Variants in SPARC observed in about 807,000 individuals in gnomAD.
SPARC encodes the protein basement-membrane protein 40.
Under a neutral mutation model 37.7 loss-of-function variants are expected in SPARC, and 23 were observed. The observed-to-expected ratio is 0.61, with a 90% CI of 0.44 to 0.87. SPARC has a LOEUF of 0.87. Ranked by LOEUF, SPARC falls within the 40% of genes least tolerant of loss-of-function variation. The pLI, the probability that SPARC is intolerant of heterozygous loss-of-function variation, is 0.00. For missense variants in SPARC, 312 were observed against 389.0 expected (o/e 0.80, Z 1.66); for synonymous variants, 155 against 150.8 (o/e 1.03, Z -0.20).
intron 5 of SPARC, among the ~76,000 whole-genome samples, chr5:151,670,804 T>A (rs1284798771): frequency 6.6e-6 from 1 of 152,096 alleles, no homozygotes; most frequent in African/African-American, 2.4e-5. Context: ...GACTGGGCAC[T>A]GGGAGTGGGG....
intron 5 of SPARC, 85 bp from the exon 6 acceptor site, chr5:151,669,869 G>T (rs760089850): frequency 7.2e-6 from 11 of 1,536,190 alleles, no homozygotes; most frequent in Non-Finnish European, 8.9e-6. Flanking sequence ...CAGAGATGGG[G>T]ACACTGAGGG....
In SPARC at chr5:151,676,146, C is replaced by A. The variant is rs1186486912; in HGVS notation, c.43G>T (p.Ala15Ser). The A allele has an allele frequency of 1.2e-6, 2 of 1,611,986 alleles. No individual in the cohort carries two copies. Among genetic ancestry groups the A allele is most frequent in the East Asian group, 2.2e-5 (1 of 44,834 alleles). Residue 15 changes from alanine (A) to serine (S), a missense_variant, in exon 2 of 10, where the codon GCC (alanine) becomes TCC (serine). Ala to Ser is a moderately conservative substitution (Grantham distance 99). Transcript: ENST00000231061. ...IFFLLCLAGR[A>S]LAAPQQEALP... ...TAGGTACTTACAGGGGCTGCCAAGG[C>A]CCTCCCGGCCAGGCAAAGGAGAAAG...
chr5:151,686,854 G>C lies in SPARC; in HGVS notation c.-14+11C>G, dbSNP rs1243945088. ...TATAGAAGGGAAAGGCTGGGCGGGG[G>C]TCACACATACCTCAGTGGCAGGCAG... On this transcript the variant is annotated intron_variant, in intron 1 of 9. Coordinates refer to ENST00000231061, the MANE Select transcript of SPARC (RefSeq NM_003118.4). 1 of 152,536 alleles carries C rather than the reference G, an allele frequency of 6.6e-6. No homozygotes were observed. Among genetic ancestry groups the C allele is most frequent in the East Asian group, 1.9e-4 (1 of 5,192 alleles). The allele number at this position is 152,536 out of a possible 1,614,324, so 9.4% of individuals were successfully genotyped here.
At chr5:151,676,006 A>C in intron 2 of SPARC, 126 bp downstream of exon 2, 1 of 719,080 alleles carries the variant, frequency 1.4e-6, no homozygotes. Flanking sequence ...TTAAGAAAAA[A>C]AAAAGACCAC....
intron 4 of SPARC, 125 bp from the exon 5 acceptor site, chr5:151,671,819 C>A (rs977324452): frequency 7.9e-7 from 1 of 1,260,246 alleles, no homozygotes; most frequent in South Asian, 1.4e-5. Flanking sequence ...TTTGGACAGC[C>A]CTGAGTCCTG....
chr5:151,667,718 C>G lies in SPARC; in HGVS notation c.452-118G>C. ...GGTGGCCTTGGCACAGTGGCTCAAC[C>G]TCTCCAGGCCACAGTTTCTTCACAG... On this transcript the variant is annotated intron_variant, in intron 6 of 9. Coordinates refer to ENST00000231061, the MANE Select transcript of SPARC (RefSeq NM_003118.4). The G allele has an allele frequency of 2.8e-6, 3 of 1,089,942 alleles. No individual in the cohort carries two copies. The South Asian group carries it at 4.6e-5, about 17-fold the overall frequency. 67.5% of individuals were successfully genotyped at this position (1,089,942 alleles called of 1,614,324 possible).
chr5:151,678,697 G>A (rs776344309), intron 1 of SPARC, among the ~76,000 whole-genome samples: 12 of 152,164 alleles, frequency 7.9e-5, no homozygotes, highest in African/African-American at 1.2e-4. Flanking sequence ...TAGGAATTAC[G>A]CTCAGACAAG....
rs529048724 is a variant in SPARC, at chr5:151,663,356, T to C, written c.*215A>G. On this transcript the variant is annotated 3_prime_UTR_variant, in exon 10 of 10. Coordinates refer to ENST00000231061, the MANE Select transcript of SPARC (RefSeq NM_003118.4). ...GGCAAGAGAAAAATGGGACTATTAA[T>C]GCGTGTGGAAAAGGCCTTAATAGTT... 1 of 573,504 alleles carries C rather than the reference T, an allele frequency of 1.7e-6. No individual in the cohort carries two copies. The highest frequency in any genetic ancestry group is 1.9e-5 in the African/African-American group (1 of 53,142). The allele number at this position is 573,504 out of a possible 1,614,324, so 35.5% of individuals were successfully genotyped here. A position where few individuals can be genotyped will look rare whatever the true frequency, so the allele number is the denominator to read the frequency against.
At chr5:151,678,837 T>A (rs1371177497) in intron 1 of SPARC, among the ~76,000 whole-genome samples, 1 of 152,198 alleles carries the variant, frequency 6.6e-6, no homozygotes, top group African/African-American at 2.4e-5. Context: ...CACCCGGTGC[T>A]ACACCACCAG....
At chr5:151,683,290 G>C (rs1205020270) in intron 1 of SPARC, among the ~76,000 whole-genome samples, 1 of 152,256 alleles carries the variant, frequency 6.6e-6, no homozygotes, top group Non-Finnish European at 1.5e-5. Context: ...AAGCCACGTG[G>C]GCTGGAATAG....
chr5:151,681,579 T>C (rs1171503648), intron 1 of SPARC, among the ~76,000 whole-genome samples: 1 of 152,178 alleles, frequency 6.6e-6, no homozygotes, highest in East Asian at 1.9e-4. Flanking sequence ...ATCTAGTTAA[T>C]CAATAAGTGT....
Position 151,663,505 on chromosome 5 carries a change from T to A in SPARC, c.*66A>T, listed in dbSNP as rs542452699. 2.7e-5 allele frequency: 40 copies of A among 1,484,506 alleles called. No homozygotes were observed. The African/African-American group carries it at 5.4e-4, about 20-fold the overall frequency. The allele number at this position is 1,484,506 out of a possible 1,614,324, so 92.0% of individuals were successfully genotyped here. A position where few individuals can be genotyped will look rare whatever the true frequency, so the allele number is the denominator to read the frequency against. On this transcript the variant is annotated 3_prime_UTR_variant, in exon 10 of 10. Coordinates refer to ENST00000231061, the MANE Select transcript of SPARC (RefSeq NM_003118.4). ...AGAACAACAAACCATCCAAACATTT[T>A]AAACATTGGGGGAAACACGAAGGGG...
At chr5:151,666,133 G>C (rs1016736735) in intron 8 of SPARC, among the ~76,000 whole-genome samples, 1 of 152,220 alleles carries the variant, frequency 6.6e-6, no homozygotes, top group South Asian at 2.1e-4. Context: ...GGATTATGGA[G>C]CTATTTTGAG....
chr5:151,675,066 T>C (rs1455651894), intron 2 of SPARC, among the ~76,000 whole-genome samples: 1 of 152,222 alleles, frequency 6.6e-6, no homozygotes, highest in Non-Finnish European at 1.5e-5. Context: ...GTCATCATCT[T>C]CCTCACAGTG....
chr5:151,686,506 A>C (rs1050080178), intron 1 of SPARC: 2 of 152,222 alleles, frequency 1.3e-5, no homozygotes, highest in Non-Finnish European at 2.9e-5. Context: ...GATTCCCAGG[A>C]AAGGAGGAGG....
At chr5:151,672,440 T>A (rs538396916) in intron 4 of SPARC, among the ~76,000 whole-genome samples, 28 of 152,266 alleles carry the variant, frequency 1.8e-4, no homozygotes, top group African/African-American at 6.7e-4. Context: ...GCCATCTTCA[T>A]CAGCCCCATA....
At chr5:151,676,414 T>C (rs1180979247) in intron 1 of SPARC, among the ~76,000 whole-genome samples, 1 of 152,238 alleles carries the variant, frequency 6.6e-6, no homozygotes, top group Non-Finnish European at 1.5e-5. Flanking sequence ...AAACACCTCC[T>C]TTATACTCAT....
In SPARC at chr5:151,671,576, C is replaced by T. The variant is rs1384033098; in HGVS notation, c.327G>A (p.Glu109=). The change falls in exon 5 of 10, where the codon GAG becomes GAA. Residue 109 remains glutamate (E), a synonymous_variant. Transcript: ENST00000231061. ...GCCCCTGTCTCTCAGCCCTCACCTTCTCAAACTCGCCAATGGGGGCTGGGC... is the reference window on the plus strand; with the variant it reads ...GCCCCTGTCTCTCAGCCCTCACCTTTTCAAACTCGCCAATGGGGGCTGGGC... ...TSCPAPIGEF[E]KVCSNDNKTF... 6.4e-7 allele frequency: 1 copy of T among 1,573,280 alleles called. No individual in the cohort carries two copies. The highest frequency in any genetic ancestry group is 1.4e-5 in the African/African-American group (1 of 73,302).
At chr5:151,663,882 G>T (rs770128875) in intron 9 of SPARC, among the ~76,000 whole-genome samples, 1 of 152,212 alleles carries the variant, frequency 6.6e-6, no homozygotes, top group Non-Finnish European at 1.5e-5. Context: ...TTGAGGAAGG[G>T]AAAGAGAGAG....
Sources: allele counts gnomAD v4.1 joint callset (sites outside exome capture counted in the v4.1 genomes callset), GRCh38; gene constraint gnomAD v4.1.1; transcripts MANE v1.5; gene names NCBI Gene and HGNC (gene_info 2026-07-23, HGNC 2026-07-21).